Variants in COL6A2 observed in about 807,000 individuals in gnomAD.
COL6A2 encodes collagen alpha-2(VI) chain.
Under a neutral mutation model 124.9 loss-of-function variants are expected in COL6A2, and 90 were observed. The ratio of observed to expected loss-of-function variants is 0.72; its 90% CI spans 0.61 to 0.86. The LOEUF (loss-of-function observed/expected upper bound fraction) is 0.86, where lower values mean the gene tolerates loss of function less well. Ranked by LOEUF, COL6A2 falls within the 40% of genes least tolerant of loss-of-function variation. COL6A2 has a pLI of 0.00. For missense variants in COL6A2, 1,607 were observed against 1,502.5 expected (o/e 1.07, Z -1.15); for synonymous variants, 793 against 618.2 (o/e 1.28, Z -4.19).
In COL6A2 at chr21:46,116,905, T is replaced by A. The variant is rs2078480299; in HGVS notation, c.999+91T>A. 1 of 1,270,310 alleles carries A rather than the reference T, an allele frequency of 7.9e-7. No homozygotes were observed. Among genetic ancestry groups the A allele is most frequent in the African/African-American group, 1.5e-5 (1 of 65,594 alleles). The allele number at this position is 1,270,310 out of a possible 1,614,324, so 78.7% of individuals were successfully genotyped here. On this transcript the variant is annotated intron_variant, in intron 10 of 27. Transcript: ENST00000300527. This position sits in a 1 kb window ranked among gnomAD's most constrained non-coding sequence, Gnocchi z 4.6. ...CCCAGATCCAGCCTGATCTGTCAGC[T>A]TACACATGTGTACACACGCATACAC...
rs762438 is a variant in COL6A2, at chr21:46,116,632, C to T, written c.928-19C>T. On this transcript the variant is annotated intron_variant, in intron 8 of 27. Coordinates refer to ENST00000300527, the MANE Select transcript of COL6A2 (RefSeq NM_001849.4). The surrounding 1 kb of genome is among the most constrained non-coding windows in gnomAD (Gnocchi z 4.6). ...CTTTGAGGCACCGAGCTCACTGCGC[C>T]GGCTTTCCTCCTACACAGGGTGAAT... is the stretch of plus-strand genomic sequence containing the variant. 0.5 allele frequency: 802,211 copies of T among 1,612,294 alleles called. 205,065 individuals are homozygous for T. The highest frequency in any genetic ancestry group is 0.63 in the Admixed American group (37,879 of 59,996).
In COL6A2 at chr21:46,111,470, T is replaced by C. The variant is rs1483881892; in HGVS notation, c.-7T>C. 6.2e-7 allele frequency: 1 copy of C among 1,608,264 alleles called. No homozygotes were observed. The highest frequency in any genetic ancestry group is 1.1e-5 in the South Asian group (1 of 90,920). ...TGCAGGACTTCAGGGCCACAGGTGCTGCCAAGATGCTCCAGGGCACCTGCT... is the reference window on the plus strand; with the variant it reads ...TGCAGGACTTCAGGGCCACAGGTGCCGCCAAGATGCTCCAGGGCACCTGCT... On this transcript the variant is annotated 5_prime_UTR_variant, in exon 2 of 28. Coordinates refer to ENST00000300527, the MANE Select transcript of COL6A2 (RefSeq NM_001849.4).
chr21:46,114,208 C>CCT, intron 5 of COL6A2, 135 bp downstream of exon 5: 1 of 733,916 alleles, frequency 1.4e-6, no homozygotes, highest in Admixed American at 2.0e-5. Context: ...GGGCGGATCA[C>CCT]AACGTCAGGA....
chr21:46,114,408 G>T (rs1249171115), intron 5 of COL6A2, among the ~76,000 whole-genome samples: 2 of 147,314 alleles, frequency 1.4e-5, no homozygotes, highest in African/African-American at 5.0e-5. Flanking sequence ...CTGGGCAACA[G>T]AGTAAGACTC....
rs1465038934 is a variant in COL6A2, at chr21:46,118,948, C to T, written c.1180-82C>T. ...AGATTCCGCTGGAAGATAATAGGGG[C>T]TCCACACCACACACCGCACAGGCGT... On this transcript the variant is annotated intron_variant, in intron 13 of 27. Coordinates refer to ENST00000300527, the MANE Select transcript of COL6A2 (RefSeq NM_001849.4). The T allele has an allele frequency of 4.4e-6, 5 of 1,145,192 alleles. No homozygotes were observed. In the East Asian group the frequency reaches 7.3e-5, roughly 17 times the overall value. The allele number at this position is 1,145,192 out of a possible 1,614,324, so 70.9% of individuals were successfully genotyped here.
chr21:46,117,493 G>T (rs766233504), intron 11 of COL6A2, 40 bp downstream of exon 11: 1 of 1,604,378 alleles, frequency 6.2e-7, no homozygotes, highest in Admixed American at 1.7e-5. Context: ...CTCGGCCCAG[G>T]GGGTGTGGGT....
Position 46,121,538 on chromosome 21 carries a change from T to C in COL6A2, c.1459-18T>C. 1 of 1,612,568 alleles carries C rather than the reference T, an allele frequency of 6.2e-7. No individual in the cohort carries two copies. The highest frequency in any genetic ancestry group is 1.3e-5 in the African/African-American group (1 of 75,042). On this transcript the variant is annotated intron_variant, in intron 17 of 27. Transcript: ENST00000300527. ...GTCCCTGCCTGTGCTGACTTCTGAATTTCTCTCCTGCCCTCAGGGATCTCG... is the reference window on the plus strand; with the variant it reads ...GTCCCTGCCTGTGCTGACTTCTGAACTTCTCTCCTGCCCTCAGGGATCTCG...
chr21:46,110,480 G>T (rs2078383349), intron 1 of COL6A2, among the ~76,000 whole-genome samples: 2 of 152,186 alleles, frequency 1.3e-5, no homozygotes, highest in African/African-American at 2.4e-5. Context: ...CCCACAAACT[G>T]CCTGAGCTGG....
chr21:46,116,383 C>G lies in COL6A2; in HGVS notation c.907C>G (p.Pro303Ala). 6.2e-7 allele frequency: 1 copy of G among 1,613,126 alleles called. No homozygotes were observed. Among genetic ancestry groups the G allele is most frequent in the Non-Finnish European group, 8.5e-7 (1 of 1,179,994 alleles). Residue 303 changes from proline (P) to alanine (A), a missense_variant, in exon 8 of 28, where the codon CCT becomes GCT. This residue lies in a region of COL6A2 where 42 missense variants were observed against 68.7 expected (regional missense o/e 0.61). Transcript: ENST00000300527. This position sits in a 1 kb window ranked among gnomAD's most constrained non-coding sequence, Gnocchi z 4.6. The stretch of plus-strand genomic sequence containing the variant: ...TCTCTCCTCCTGCCCCCAGGGCGTT[C>G]CTGGCTTCAAAGGAGAGAAGGTGAG... ...PIGFPGPKGV[P>A]GFKGEKGEFG...
Position 46,125,791 on chromosome 21 carries a change from G to A in COL6A2, c.1976G>A (p.Arg659His), listed in dbSNP as rs558005986. 21 of 1,611,608 alleles carry A rather than the reference G, an allele frequency of 1.3e-5. No homozygotes were observed. The highest frequency in any genetic ancestry group is 1.7e-4 in the Middle Eastern group (1 of 6,058). ...TCACGCGTGCGGCTTGCAGGGACGC[G>A]TGTGGGCGTGGTGCAGTACAGCCAC... ...AKDPKSETGTRVGVVQYSHEG... is the reference protein window; with the variant it reads ...AKDPKSETGTHVGVVQYSHEG... Residue 659 changes from arginine to histidine, a missense_variant, in exon 26 of 28, where the codon CGT (arginine) becomes CAT (histidine). By Grantham distance (29) the Arg-to-His change is conservative (BLOSUM62 0). Transcript: ENST00000300527.
rs561873926 is a variant in COL6A2 at position 46,132,755 on chromosome 21, G to A, written c.*203G>A. 2.0e-4 allele frequency: 116 copies of A among 593,046 alleles called. No homozygotes were observed. Among genetic ancestry groups the A allele is most frequent in the Middle Eastern group, 9.0e-4 (2 of 2,216 alleles). 36.7% of individuals were successfully genotyped at this position (593,046 alleles called of 1,614,324 possible). ...TCCCCAGGCCCTCCGCAGGCTGCCC[G>A]GCCTCCCTCCCCCTGCAGCCATCCC... On this transcript the variant is annotated 3_prime_UTR_variant, in exon 28 of 28. Coordinates refer to ENST00000300527, the MANE Select transcript of COL6A2 (RefSeq NM_001849.4).
intron 27 of COL6A2, 101 bp downstream of exon 27, chr21:46,126,642 C>CCG: frequency 1.7e-6 from 2 of 1,208,942 alleles, no homozygotes; most frequent in Non-Finnish European, 1.2e-6. Context: ...TGCAGGGACC[C>CCG]GGGGGGCGGC....
intron 20 of COL6A2, 119 bp downstream of exon 20, chr21:46,122,650 C>T (rs1391059177): frequency 8.3e-7 from 1 of 1,197,666 alleles, no homozygotes; most frequent in Non-Finnish European, 1.2e-6. Context: ...ATGGTCCTGG[C>T]TCCCCAAGGC....
chr21:46,126,412 CCT>C (rs1300488693), intron 26 of COL6A2, 89 bp from the exon 27 acceptor site: 1 of 1,576,030 alleles, frequency 6.3e-7, no homozygotes, highest in East Asian at 2.2e-5. Context: ...CCAGCTGCAC[CCT>C]GAGCCTGTCT....
Position 46,099,889 on chromosome 21 carries a change from C to CGTTTTTTTTTTTTTTTTTT in COL6A2, c.-28+1716_-28+1717insGTTTTTTTTTTTTTTTTTT, listed in dbSNP as rs1345870090. On this transcript the variant is annotated intron_variant, in intron 1 of 27. Coordinates refer to ENST00000300527, the MANE Select transcript of COL6A2 (RefSeq NM_001849.4). ...TCTCCACAATGGATAGCAGCACTGT[C>CGTTTTTTTTTTTTTTTTTT]TTTTTTTTTTTTTTTTTTTTTTTCT... 3.3e-5 allele frequency among the ~76,000 whole-genome samples: 3 copies of CGTTTTTTTTTTTTTTTTTT among 91,840 alleles called. 1 individual carries two copies. The allele number at this position is 91,840 out of a possible 152,430, so 60.3% of individuals were successfully genotyped here. A position where few individuals can be genotyped will look rare whatever the true frequency, so the allele number is the denominator to read the frequency against.
intron 27 of COL6A2, among the ~76,000 whole-genome samples, chr21:46,131,415 C>T (rs1441919578): frequency 6.6e-6 from 1 of 152,214 alleles, no homozygotes; most frequent in Non-Finnish European, 1.5e-5. Context: ...GCCCCTGTGC[C>T]CACTGCTCCC....
chr21:46,100,204 C>T (rs1210268896), intron 1 of COL6A2, among the ~76,000 whole-genome samples: 2 of 152,050 alleles, frequency 1.3e-5, no homozygotes, highest in Non-Finnish European at 2.9e-5. Flanking sequence ...CTCAAGCGAG[C>T]CTCCACCTCA....
rs375694341 is a variant in COL6A2 at position 46,121,112 on chromosome 21, C to T, written c.1447C>T (p.Pro483Ser). Residue 483 changes from proline (P) to serine (S), a missense_variant, in exon 17 of 28, where the codon CCC becomes TCC. Physicochemically the swap from Pro to Ser is moderately conservative, Grantham distance 74. Coordinates refer to ENST00000300527, the MANE Select transcript of COL6A2 (RefSeq NM_001849.4). ...PRGPQGALGEPGKQGSRGDPG... is the reference protein window; with the variant it reads ...PRGPQGALGESGKQGSRGDPG... The stretch of plus-strand genomic sequence containing the variant: ...AGGCCCCCAGGGAGCTCTTGGGGAG[C>T]CCGGAAAGCAGGTCAGTGTCAGTGC... The T allele has an allele frequency of 1.7e-5, 27 of 1,612,606 alleles. No individual in the cohort carries two copies. The highest frequency in any genetic ancestry group is 2.7e-5 in the African/African-American group (2 of 74,890).
chr21:46,128,576 G>T (rs6518273), intron 27 of COL6A2, among the ~76,000 whole-genome samples: 275 of 152,342 alleles, frequency 1.8e-3, no homozygotes, highest in Non-Finnish European at 3.4e-3. Context: ...TCTCAGTTGC[G>T]TGGGGACCAG....
Sources: allele counts gnomAD v4.1 joint callset (sites outside exome capture counted in the v4.1 genomes callset), GRCh38; gene constraint gnomAD v4.1.1; regional missense constraint gnomAD v4.1.1; non-coding constraint Gnocchi (gnomAD v3.1); transcripts MANE v1.5; gene names NCBI Gene and HGNC (gene_info 2026-07-23, HGNC 2026-07-21).